AMBRA1: variants seen among roughly 807,000 people sequenced by gnomAD.
AMBRA1 encodes activating molecule in BECN1-regulated autophagy protein 1.
AMBRA1 carries 47 observed loss-of-function variants against 125.4 expected under a neutral mutation model. The ratio of observed to expected loss-of-function variants is 0.37; its 90% CI spans 0.30 to 0.48. AMBRA1 has a LOEUF of 0.48. Among genes scored for constraint, AMBRA1 ranks in the 20% least tolerant of loss-of-function variants. AMBRA1 has a pLI of 0.99. For missense variants in AMBRA1, 1,331 were observed against 1,693.4 expected, an observed-to-expected ratio of 0.79 and a Z score of 3.76; for synonymous variants, 626 against 655.5, an observed-to-expected ratio of 0.95 and a Z score of 0.69.
chr11:46,545,868 G>T, intron 4 of AMBRA1, 92 bp from the exon 5 acceptor site: 6 of 1,283,002 alleles, frequency 4.7e-6, no homozygotes, highest in South Asian at 1.4e-5. Flanking sequence ...AAGGTAAAAT[G>T]ACTATGTCTA....
In AMBRA1 at chr11:46,532,694, C is replaced by G. The variant is rs1212200205; in HGVS notation, c.2072+9251G>C. Among the ~76,000 whole-genome samples, 7 of 152,326 alleles carry G rather than the reference C, an allele frequency of 4.6e-5. No individual in the cohort carries two copies. In the East Asian group the frequency reaches 1.3e-3, roughly 29 times the overall value. ...TTGTGATCCGCCCACCTTGGCCTTC[C>G]AAAGTGCTGGGATTACAGGCGTGAG... On this transcript the variant is annotated intron_variant, in intron 7 of 17. Coordinates refer to ENST00000683756, the MANE Select transcript of AMBRA1 (RefSeq NM_001387011.1).
intron 8 of AMBRA1, among the ~76,000 whole-genome samples, chr11:46,511,055 A>T (rs1951238113): frequency 6.6e-6 from 1 of 152,236 alleles, no homozygotes; most frequent in African/African-American, 2.4e-5. Flanking sequence ...TCCGTGATAA[A>T]GATCACAGTA....
chr11:46,502,677 A>T (rs1048146904), intron 9 of AMBRA1, among the ~76,000 whole-genome samples: 1 of 152,212 alleles, frequency 6.6e-6, no homozygotes, highest in East Asian at 1.9e-4. Context: ...CTATCACCTG[A>T]TAAGAATGGT....
At chr11:46,589,337 G>C (rs921623892) in intron 1 of AMBRA1, among the ~76,000 whole-genome samples, 10 of 152,192 alleles carry the variant, frequency 6.6e-5, no homozygotes, top group Non-Finnish European at 1.5e-4. Context: ...CACAGGACAG[G>C]CTGTACCACA....
At chr11:46,473,945 C>T (rs980016471) in intron 11 of AMBRA1, among the ~76,000 whole-genome samples, 5 of 152,202 alleles carry the variant, frequency 3.3e-5, no homozygotes, top group East Asian at 1.9e-4. Flanking sequence ...CCACCGCACC[C>T]GGACAGGATC....
At chr11:46,436,065 CA>C (rs1319034063) in intron 12 of AMBRA1, among the ~76,000 whole-genome samples, 2 of 152,022 alleles carry the variant, frequency 1.3e-5, no homozygotes, top group African/African-American at 2.4e-5. Context: ...ATACCTCAAG[CA>C]AAAAAACTTT....
chr11:46,397,494 T>G lies in AMBRA1; in HGVS notation c.3853A>C (p.Arg1285=). Residue 1285 remains arginine, a synonymous_variant, in exon 18 of 18, where the codon AGG becomes CGG. Transcript: ENST00000683756. ...NNHLLDGGSS[R]GDAAGPRGEP... is the part of the protein sequence containing the mutation. ...CCCCTAGGGCCTGCAGCGTCCCCCC[T>G]GCTGCTGCCACCATCCAGAAGGTGG... is the stretch of plus-strand genomic sequence containing the variant. The G allele has an allele frequency of 6.5e-7, 1 of 1,527,152 alleles. No individual in the cohort carries two copies. 94.6% of individuals were successfully genotyped at this position (1,527,152 alleles called of 1,614,324 possible).
intron 1 of AMBRA1, among the ~76,000 whole-genome samples, chr11:46,577,157 T>G (rs942918899): frequency 3.9e-5 from 6 of 152,178 alleles, no homozygotes; most frequent in Admixed American, 3.3e-4. Flanking sequence ...CCAATGCACA[T>G]GCATGTTCAA....
intron 1 of AMBRA1, among the ~76,000 whole-genome samples, chr11:46,561,380 C>CA (rs969658235): frequency 6.6e-4 from 76 of 115,200 alleles, no homozygotes; most frequent in Middle Eastern, 0.01. Context: ...GACTCCATCT[C>CA]AAAAAAAAAA....
intron 1 of AMBRA1, among the ~76,000 whole-genome samples, chr11:46,587,677 CTTGT>C (rs1490798358): frequency 1.3e-5 from 2 of 152,116 alleles, no homozygotes; most frequent in African/African-American, 4.8e-5. Flanking sequence ...TCTGTCAGCC[CTTGT>C]TTATTTCCTT....
At chr11:46,474,377 G>C (rs1464785011) in intron 11 of AMBRA1, among the ~76,000 whole-genome samples, 1 of 152,016 alleles carries the variant, frequency 6.6e-6, no homozygotes. Flanking sequence ...CATAAACAGA[G>C]GCCCAATTTC....
At chr11:46,562,002 AAAG>A (rs746901735) in intron 1 of AMBRA1, among the ~76,000 whole-genome samples, 3 of 152,212 alleles carry the variant, frequency 2.0e-5, no homozygotes, top group Admixed American at 6.6e-5. Context: ...ATACTATAGT[AAAG>A]AAGAACATTC....
At chr11:46,585,665 CAAAAA>C (rs1157368065) in intron 1 of AMBRA1, among the ~76,000 whole-genome samples, 4 of 7,596 alleles carry the variant, frequency 5.3e-4, no homozygotes, top group African/African-American at 2.2e-3. Context: ...GACTCCATCT[CAAAAA>C]AAAAAAAAAA....
chr11:46,467,971 T>C (rs1271475173), intron 11 of AMBRA1, among the ~76,000 whole-genome samples: 1 of 152,176 alleles, frequency 6.6e-6, no homozygotes, highest in Non-Finnish European at 1.5e-5. Context: ...GGCAGGAAAC[T>C]GCTACGAAAG....
At chr11:46,590,283 T>TGAGCCAAGATTGCGCCACTGCCTGCAGC (rs1305251446) in intron 1 of AMBRA1, among the ~76,000 whole-genome samples, 2 of 151,694 alleles carry the variant, frequency 1.3e-5, no homozygotes, top group African/African-American at 2.4e-5. Flanking sequence ...GAGGCTGCAG[T>TGAGCCAAGATTGCGCCACTGCCTGCAGC]GAGCCAAGAT....
intron 1 of AMBRA1, among the ~76,000 whole-genome samples, chr11:46,557,051 C>G (rs61882748): frequency 0.21 from 31,532 of 148,772 alleles, 3,943 homozygotes; most frequent in African/African-American, 0.36. Context: ...CAGGAGAATC[C>G]CTTGAACCCG....
chr11:46,401,263 C>CGAG (rs1945744301), intron 17 of AMBRA1, among the ~76,000 whole-genome samples: 1 of 151,660 alleles, frequency 6.6e-6, no homozygotes, highest in East Asian at 1.9e-4. Flanking sequence ...CTTTTCGAGA[C>CGAG]AGAGTCTCGC....
chr11:46,545,138 C>G (rs1478069047), intron 5 of AMBRA1, among the ~76,000 whole-genome samples: 2 of 97,484 alleles, frequency 2.1e-5, no homozygotes, highest in Non-Finnish European at 3.8e-5. Flanking sequence ...AAGACCCTGT[C>G]TCCTTAAAAA....
intron 4 of AMBRA1, 179 bp downstream of exon 4, chr11:46,546,934 G>T: frequency 3.8e-6 from 2 of 532,380 alleles, no homozygotes; most frequent in South Asian, 2.7e-5. Context: ...AGCCAGGCAT[G>T]ATGGCACATG....
Sources: gnomAD v4.1 joint callset for allele counts (sites outside exome capture counted in the v4.1 genomes callset) on GRCh38, gnomAD v4.1.1 for gene constraint, MANE v1.5 for transcripts, NCBI Gene and HGNC (gene_info 2026-07-23, HGNC 2026-07-21) for gene names.